The following COL9A1 variants were observed in gnomAD, a reference collection of about 807,000 sequenced individuals.
COL9A1 encodes collagen type IX alpha 1 chain, also known as collagen alpha-1(IX) chain.
COL9A1 carries 104 observed loss-of-function variants against 142.6 expected under a neutral mutation model. That is an observed-to-expected ratio of 0.73 (90% CI 0.62 to 0.86). COL9A1 has a LOEUF of 0.86. Ranked by LOEUF, COL9A1 falls within the 40% of genes least tolerant of loss-of-function variation. The pLI is 0.00. For missense variants in COL9A1, 1,210 were observed against 1,176.6 expected (o/e 1.03, Z -0.42); for synonymous variants, 466 against 396.0 (o/e 1.18, Z -2.10).
At chr6:70,226,115 A>C in intron 36 of COL9A1, 106 bp from the exon 37 acceptor site, 1 of 974,288 alleles carries the variant, frequency 1.0e-6, no homozygotes, top group South Asian at 1.4e-5. Context: ...AAAGGTCATG[A>C]AATTGCCATA....
At chr6:70,265,352 A>C (rs1400378110) in intron 18 of COL9A1, among the ~76,000 whole-genome samples, 1 of 152,094 alleles carries the variant, frequency 6.6e-6, no homozygotes, top group Non-Finnish European at 1.5e-5. Flanking sequence ...AAATAACAGA[A>C]GTCTACTACA....
intron 12 of COL9A1, among the ~76,000 whole-genome samples, chr6:70,272,825 A>T (rs1040179348): frequency 1.1e-4 from 16 of 152,294 alleles, no homozygotes; most frequent in African/African-American, 3.6e-4. Flanking sequence ...AGCATATAAC[A>T]AAACCTAATA....
rs1036563613 is a variant in COL9A1, at chr6:70,240,729, G to T, written c.2039C>A (p.Ala680Asp). 6.8e-6 allele frequency: 11 copies of T among 1,611,912 alleles called. No homozygotes were observed. The highest frequency in any genetic ancestry group is 3.3e-5 in the Admixed American group (2 of 59,918). ...TCCTGCTTCACCTTCTTCACCAGAG[G>T]CACCCTAAAAATTAAGATAAAAGGT... is the stretch of plus-strand genomic sequence containing the variant. Reference protein sequence around the residue: ...GEPGPKGEQGASGEEGEAGER... With the variant: ...GEPGPKGEQGDSGEEGEAGER... The change falls in exon 32 of 38, where the codon GCC becomes GAC. Residue 680 changes from alanine to aspartate, a missense_variant. Coordinates refer to ENST00000357250, the MANE Select transcript of COL9A1 (RefSeq NM_001851.6).
chr6:70,235,013 A>G lies in COL9A1; in HGVS notation c.2113-73T>C. Reference sequence around the variant, plus strand: ...GTGCCTGCTTCATACTCATATAAACACTTATATGAAATTTGCGGTTTCCTG... The same window carrying G: ...GTGCCTGCTTCATACTCATATAAACGCTTATATGAAATTTGCGGTTTCCTG... On this transcript the variant is annotated intron_variant, in intron 33 of 37. Transcript: ENST00000357250. 9 of 1,579,164 alleles carry G rather than the reference A, an allele frequency of 5.7e-6. No homozygotes were observed. In the South Asian group the frequency reaches 1.0e-4, roughly 18 times the overall value.
At position 70,255,508 on chromosome 6, in the gene COL9A1, C is replaced by A. The variant is rs578201632; in HGVS notation, c.1504-118G>T. 330 of 890,780 alleles carry A rather than the reference C, an allele frequency of 3.7e-4. 1 individual carries two copies. In the African/African-American group the frequency reaches 4.9e-3, roughly 13 times the overall value. The allele number at this position is 890,780 out of a possible 1,614,324, so 55.2% of individuals were successfully genotyped here. On this transcript the variant is annotated intron_variant, in intron 21 of 37. Transcript: ENST00000357250. The stretch of plus-strand genomic sequence containing the variant: ...TTAGTCTTCCACCACAATGGCTTTG[C>A]TCTATCAAGGAAGCCTAGATGAAGA...
Position 70,300,739 on chromosome 6 carries a change from C to T in COL9A1, c.89-353G>A, listed in dbSNP as rs73475896. On this transcript the variant is annotated intron_variant, in intron 2 of 37. Transcript: ENST00000357250. ...GGTTAGGCATTTGTTCCTTTTGAAA[C>T]CAAAGCTGAATGGTGTCCTGAATGG... is the stretch of plus-strand genomic sequence containing the variant. 4.1e-3 allele frequency among the ~76,000 whole-genome samples: 628 copies of T among 152,212 alleles called. 3 individuals carry two copies. Among genetic ancestry groups the T allele is most frequent in the African/African-American group, 0.014 (592 of 41,524 alleles).
At chr6:70,251,645 TA>T (rs1770952430) in intron 28 of COL9A1, among the ~76,000 whole-genome samples, 1 of 152,192 alleles carries the variant, frequency 6.6e-6, no homozygotes, top group Admixed American at 6.5e-5. Context: ...TATAGAGACA[TA>T]AAGTGGATTA....
intron 12 of COL9A1, among the ~76,000 whole-genome samples, chr6:70,272,302 A>G (rs891738972): frequency 6.6e-6 from 1 of 150,430 alleles, no homozygotes; most frequent in Middle Eastern, 3.4e-3. Context: ...TTTGCTGTCT[A>G]TGCTAACTGG....
At chr6:70,220,586 A>G in intron 37 of COL9A1, among the ~76,000 whole-genome samples, 1 of 125,096 alleles carries the variant, frequency 8.0e-6, no homozygotes. Context: ...CAGCCTTAAC[A>G]TAGCAGATTG....
At chr6:70,274,526 T>C (rs1772623465) in intron 11 of COL9A1, among the ~76,000 whole-genome samples, 193 bp downstream of exon 11, 3 of 152,130 alleles carry the variant, frequency 2.0e-5, no homozygotes, top group Admixed American at 2.0e-4. Flanking sequence ...TCCACGTCCC[T>C]GCAAAGGACA....
chr6:70,294,542 C>T lies in COL9A1; in HGVS notation c.321G>A (p.Leu107=). The T allele has an allele frequency of 6.2e-7, 1 of 1,613,994 alleles. No individual in the cohort carries two copies. Among genetic ancestry groups the T allele is most frequent in the Non-Finnish European group, 8.5e-7 (1 of 1,179,918 alleles). Residue 107 remains leucine (L), a synonymous_variant, in exon 5 of 38, where the codon CTG becomes CTA. Transcript: ENST00000357250. ...IPTRNLYPSG[L]PEEYSFLTTF... ...TCGTCAAGAAGGAGTATTCTTCAGG[C>T]AGTCCACTGGGATATAAATTCCTGA...
intron 35 of COL9A1, among the ~76,000 whole-genome samples, chr6:70,233,414 CTG>C (rs1309472494): frequency 6.6e-6 from 1 of 152,110 alleles, no homozygotes; most frequent in African/African-American, 2.4e-5. Context: ...AAATTAATAA[CTG>C]TGTGGGCTTT....
rs1349511839 is a variant in COL9A1 at position 70,281,277 on chromosome 6, A to T, written c.876+113T>A. 27 of 1,031,640 alleles carry T rather than the reference A, an allele frequency of 2.6e-5. No individual in the cohort carries two copies. In the Admixed American group the frequency reaches 3.2e-4, roughly 12 times the overall value. 63.9% of individuals were successfully genotyped at this position (1,031,640 alleles called of 1,614,324 possible). A position where few individuals can be genotyped will look rare whatever the true frequency, so the allele number is the denominator to read the frequency against. ...TCCTGCCTTTAAGTGGGGTGGCAGG[A>T]AGGGGAGACCCTGGTCCTCTCTGAA... On this transcript the variant is annotated intron_variant, in intron 8 of 37. Coordinates refer to ENST00000357250, the MANE Select transcript of COL9A1 (RefSeq NM_001851.6).
chr6:70,224,650 G>A (rs1201153559), intron 37 of COL9A1, among the ~76,000 whole-genome samples: 2 of 152,098 alleles, frequency 1.3e-5, no homozygotes, highest in African/African-American at 2.4e-5. Flanking sequence ...TACTGGTGAT[G>A]GAGACAGGCA....
At chr6:70,246,769 A>G in intron 28 of COL9A1, among the ~76,000 whole-genome samples, 1 of 152,220 alleles carries the variant, frequency 6.6e-6, no homozygotes, top group East Asian at 1.9e-4. Flanking sequence ...CTGTGGAGCT[A>G]TGATTTGAGC....
chr6:70,247,983 A>C (rs1770706395), intron 28 of COL9A1, among the ~76,000 whole-genome samples: 1 of 152,184 alleles, frequency 6.6e-6, no homozygotes, highest in Non-Finnish European at 1.5e-5. Flanking sequence ...CTACGAGAGA[A>C]AGTAGACAGG....
chr6:70,232,527 A>T, intron 36 of COL9A1, 56 bp downstream of exon 36: 1 of 1,573,550 alleles, frequency 6.4e-7, no homozygotes, highest in Non-Finnish European at 8.7e-7. Flanking sequence ...CTTGATACAG[A>T]TTATACATCT....
chr6:70,302,815 A>T, intron 1 of COL9A1, 96 bp downstream of exon 1: 1 of 1,312,678 alleles, frequency 7.6e-7, no homozygotes, highest in African/African-American at 1.5e-5. Context: ...AGGCTCACCT[A>T]CTCTCATCTT....
Position 70,254,501 on chromosome 6 carries a change from C to A in COL9A1, c.1694G>T (p.Gly565Val). ...KGEPGKPGPP[G>V]DAGLQGLPGV... The stretch of plus-strand genomic sequence containing the variant: ...TGGTAACCCCTGCAATCCTGCATCA[C>A]CAGGAGGCCCAGGTTTTCCTGGTTC... Residue 565 changes from glycine to valine, a missense_variant, in exon 25 of 38, where the codon GGT becomes GTT. Coordinates refer to ENST00000357250, the MANE Select transcript of COL9A1 (RefSeq NM_001851.6). The A allele has an allele frequency of 1.2e-6, 2 of 1,614,108 alleles. No homozygotes were observed. The highest frequency in any genetic ancestry group is 2.2e-5 in the East Asian group (1 of 44,884).
Sources: gnomAD v4.1 joint callset for allele counts (sites outside exome capture counted in the v4.1 genomes callset) on GRCh38, gnomAD v4.1.1 for gene constraint, MANE v1.5 for transcripts, NCBI Gene and HGNC (gene_info 2026-07-23, HGNC 2026-07-21) for gene names.